TAFA5: variants seen among roughly 807,000 people sequenced by gnomAD.
The protein encoded by TAFA5 is chemokine-like protein TAFA-5.
Under a neutral mutation model 15.3 loss-of-function variants are expected in TAFA5, and 6 were observed. The observed-to-expected ratio is 0.39, with a 90% confidence interval of 0.21 to 0.77. The LOEUF (loss-of-function observed/expected upper bound fraction) is 0.77. Among genes scored for constraint, TAFA5 ranks in the 30% least tolerant of loss-of-function variants. The pLI is 0.41. For missense variants in TAFA5, 161 were observed against 193.1 expected, an observed-to-expected ratio of 0.83 and a Z score of 0.98; for synonymous variants, 103 against 80.7, an observed-to-expected ratio of 1.28 and a Z score of -1.48.
chr22:48,506,404 G>A (rs887135964), intron 1 of TAFA5, among the ~76,000 whole-genome samples: 1 of 152,234 alleles, frequency 6.6e-6, no homozygotes, highest in African/African-American at 2.4e-5. Context: ...TCGGGGAGGA[G>A]CTTTGTGTGT....
chr22:48,636,345 C>T (rs566086602), intron 1 of TAFA5, among the ~76,000 whole-genome samples: 1 of 152,208 alleles, frequency 6.6e-6, no homozygotes, highest in African/African-American at 2.4e-5. Context: ...TGAAGTCAGA[C>T]TGTGATGGAG....
intron 2 of TAFA5, among the ~76,000 whole-genome samples, chr22:48,658,985 T>C (rs1927342522): frequency 6.6e-6 from 1 of 152,176 alleles, no homozygotes; most frequent in Non-Finnish European, 1.5e-5. Context: ...TTGCCCGTCA[T>C]TGTCAGGAGC....
chr22:48,619,934 C>G (rs915927855), intron 1 of TAFA5, among the ~76,000 whole-genome samples: 1 of 152,234 alleles, frequency 6.6e-6, no homozygotes. Context: ...CTGAGTCCCG[C>G]GGGCCTGGGG....
chr22:48,697,555 A>G (rs199693066), intron 2 of TAFA5, among the ~76,000 whole-genome samples: 1 of 151,782 alleles, frequency 6.6e-6, no homozygotes, highest in Non-Finnish European at 1.5e-5. Context: ...CATGGTGGTG[A>G]TGGTGGTGGT....
chr22:48,517,131 C>T (rs748518008), intron 1 of TAFA5, among the ~76,000 whole-genome samples: 4 of 152,134 alleles, frequency 2.6e-5, no homozygotes, highest in Admixed American at 1.3e-4. Flanking sequence ...CTCCCAGCCC[C>T]GGAAGCTCCT....
intron 1 of TAFA5, among the ~76,000 whole-genome samples, chr22:48,633,494 GTGTCTGTC>G (rs59459070): frequency 5.5e-4 from 61 of 111,138 alleles, no homozygotes; most frequent in Admixed American, 1.1e-3. Flanking sequence ...GCTTTGCTCT[GTGTCTGTC>G]TGTCTGTCTG....
intron 1 of TAFA5, among the ~76,000 whole-genome samples, chr22:48,575,041 T>A (rs1408795504): frequency 6.6e-6 from 1 of 152,124 alleles, no homozygotes; most frequent in Non-Finnish European, 1.5e-5. Flanking sequence ...TCCAGGCAGA[T>A]GTGCCGTTTT....
At chr22:48,646,922 G>T (rs1250159240) in intron 2 of TAFA5, among the ~76,000 whole-genome samples, 176 bp downstream of exon 2, 7 of 152,214 alleles carry the variant, frequency 4.6e-5, no homozygotes, top group Admixed American at 3.9e-4. Context: ...TTGTGGCTTG[G>T]GGACTGGCTG....
intron 1 of TAFA5, among the ~76,000 whole-genome samples, chr22:48,625,106 C>G (rs1483241789): frequency 6.9e-6 from 1 of 145,212 alleles, no homozygotes; most frequent in Non-Finnish European, 1.5e-5. Context: ...TAGAGTGAGA[C>G]CCTGTCTTGA....
chr22:48,566,893 T>C lies in TAFA5; in HGVS notation c.112+77189T>C, dbSNP rs1284860593. On this transcript the variant is annotated intron_variant, in intron 1 of 3. Transcript: ENST00000402357. The surrounding 1 kb of genome is among the most constrained non-coding windows in gnomAD (Gnocchi z 4.5). ...TTGCTCACCACTGTGGTTTCATGAT[T>C]TACGCCTGGGGCCGTCAGTGGGTTG... 6.6e-6 allele frequency among the ~76,000 whole-genome samples: 1 copy of C among 152,186 alleles called. No homozygotes were observed. The highest frequency in any genetic ancestry group is 1.9e-4 in the East Asian group (1 of 5,182).
chr22:48,683,028 T>G (rs1014872723), intron 2 of TAFA5, among the ~76,000 whole-genome samples: 2 of 152,224 alleles, frequency 1.3e-5, no homozygotes, highest in Non-Finnish European at 2.9e-5. Context: ...AATATTCAGC[T>G]AGTGTTCATG....
intron 2 of TAFA5, among the ~76,000 whole-genome samples, chr22:48,687,552 C>T (rs764850436): frequency 2.0e-5 from 3 of 152,124 alleles, no homozygotes; most frequent in Non-Finnish European, 4.4e-5. Flanking sequence ...CTAGTGAGGG[C>T]ACCAGGTTCC....
chr22:48,686,716 G>C (rs1041120305), intron 2 of TAFA5, among the ~76,000 whole-genome samples: 1 of 152,052 alleles, frequency 6.6e-6, no homozygotes, highest in Admixed American at 6.6e-5. Context: ...ATGGATGCTT[G>C]AATGGATGGA....
intron 2 of TAFA5, among the ~76,000 whole-genome samples, chr22:48,648,179 G>A (rs980931859): frequency 2.0e-5 from 3 of 152,120 alleles, no homozygotes; most frequent in Admixed American, 6.5e-5. Context: ...TTCTGGGGAC[G>A]CGGTGCAGGG....
intron 1 of TAFA5, among the ~76,000 whole-genome samples, chr22:48,567,989 G>A (rs929875590): frequency 6.6e-6 from 1 of 152,234 alleles, no homozygotes; most frequent in African/African-American, 2.4e-5. Flanking sequence ...CGTGGGCAGC[G>A]TCTGTGCCAG....
chr22:48,712,080 G>A (rs2147254583), intron 3 of TAFA5, among the ~76,000 whole-genome samples: 1 of 152,318 alleles, frequency 6.6e-6, no homozygotes, highest in African/African-American at 2.4e-5. Flanking sequence ...TTTGGGGATG[G>A]AGTTTCGCTC....
intron 1 of TAFA5, among the ~76,000 whole-genome samples, chr22:48,562,368 G>A (rs1347104710): frequency 3.9e-5 from 6 of 152,176 alleles, no homozygotes; most frequent in Admixed American, 3.9e-4. Flanking sequence ...TCGATCTCCT[G>A]ACCTCGCGAT....
At chr22:48,654,930 G>A (rs1178654359) in intron 2 of TAFA5, among the ~76,000 whole-genome samples, 2 of 152,188 alleles carry the variant, frequency 1.3e-5, no homozygotes, top group East Asian at 1.9e-4. Flanking sequence ...AGGAGGGGCC[G>A]TGGTGGGGCA....
chr22:48,569,960 G>A (rs556771547), intron 1 of TAFA5, among the ~76,000 whole-genome samples: 2 of 152,338 alleles, frequency 1.3e-5, no homozygotes, highest in African/African-American at 4.8e-5. Flanking sequence ...CAGTGCCCCC[G>A]CACACATAGC....
Sources: gnomAD v4.1 joint callset for allele counts (sites outside exome capture counted in the v4.1 genomes callset) on GRCh38, gnomAD v4.1.1 for gene constraint, Gnocchi (gnomAD v3.1) non-coding constraint, MANE v1.5 for transcripts, NCBI Gene and HGNC (gene_info 2026-07-23, HGNC 2026-07-21) for gene names.